RIPOR3: variants seen among roughly 807,000 people sequenced by gnomAD.
RIPOR3 encodes the protein RIPOR family member 3.
Under a neutral mutation model 114.3 loss-of-function variants are expected in RIPOR3, and 95 were observed. That is an observed-to-expected ratio of 0.83 (90% CI 0.70 to 0.99). The LOEUF (loss-of-function observed/expected upper bound fraction) is 0.99. Ranked by LOEUF, RIPOR3 falls within the 50% of genes least tolerant of loss-of-function variation. The pLI is 0.00. For synonymous variants in RIPOR3, 575 were observed against 543.8 expected, an observed-to-expected ratio of 1.06 and a Z score of -0.80; for missense variants, 1,252 against 1,266.9, an observed-to-expected ratio of 0.99 and a Z score of 0.18.
chr20:50,618,128 G>A (rs1013396003), intron 3 of RIPOR3, among the ~76,000 whole-genome samples: 6 of 151,834 alleles, frequency 4.0e-5, no homozygotes, highest in African/African-American at 7.2e-5. Flanking sequence ...TTAGCCGGGC[G>A]TGGTGGCAGA....
intron 1 of RIPOR3, among the ~76,000 whole-genome samples, chr20:50,633,980 CTTTTTTTTTTT>C (rs375758598): frequency 2.3e-5 from 3 of 131,038 alleles, no homozygotes; most frequent in Non-Finnish European, 4.9e-5. Context: ...TCTTTCTTTT[CTTTTTTTTTTT>C]TTTTTTTTTA....
intron 1 of RIPOR3, among the ~76,000 whole-genome samples, chr20:50,690,753 A>C (rs2087184264): frequency 6.6e-6 from 1 of 152,086 alleles, no homozygotes; most frequent in African/African-American, 2.4e-5. Context: ...GGACACCAAT[A>C]ATACTTACCC....
intron 1 of RIPOR3, among the ~76,000 whole-genome samples, chr20:50,633,879 C>T (rs1287692357): frequency 6.6e-6 from 1 of 152,090 alleles, no homozygotes; most frequent in Non-Finnish European, 1.5e-5. Flanking sequence ...GTTCAATGGC[C>T]CCATTTTTCA....
At chr20:50,636,943 C>A in intron 1 of RIPOR3, 1 of 982,296 alleles carries the variant, frequency 1.0e-6, no homozygotes. Flanking sequence ...CTTAGGGCTC[C>A]TTTTTATCCA....
chr20:50,620,110 CG>C lies in RIPOR3; in HGVS notation c.144del (p.Val49Ter). 1 of 1,614,078 alleles carries C rather than the reference CG, an allele frequency of 6.2e-7. No individual in the cohort carries two copies. Among genetic ancestry groups the C allele is most frequent in the African/African-American group, 1.3e-5 (1 of 75,030 alleles). ...GATTTTGCAGGCATTCGCGATCTCA[CG>C]GAGTTCCTGTTGATGGACTTTCTGT... ...RRIAKSINRNSVRSRMPAKSS... is the reference protein window; with the variant it reads ...RRIAKSINRNXVRSRMPAKSS... On this transcript the variant is annotated frameshift_variant, in exon 3 of 22. Coordinates refer to ENST00000327979, the MANE Select transcript of RIPOR3 (RefSeq NM_001290268.2). LOFTEE classifies it high-confidence loss of function.
At chr20:50,689,172 C>CTTTTTT (rs71964773) in intron 1 of RIPOR3, among the ~76,000 whole-genome samples, 1 of 88,822 alleles carries the variant, frequency 1.1e-5, no homozygotes, top group African/African-American at 3.8e-5. Context: ...CTCCAAACTT[C>CTTTTTT]TTTTTTTTTT....
At chr20:50,678,073 T>C (rs140960602) in intron 1 of RIPOR3, among the ~76,000 whole-genome samples, 12 of 152,240 alleles carry the variant, frequency 7.9e-5, no homozygotes, top group African/African-American at 2.9e-4. Flanking sequence ...GCCTCCTGAC[T>C]CCCCATCTCA....
rs547029520 is a variant in RIPOR3 at position 50,600,085 on chromosome 20, T to G, written c.1659+1987A>C. ...TCAGCTAATTCTTTTGTCTTTTTAG[T>G]AGAAACGGGGTTTTGCCATGTTGGC... On this transcript the variant is annotated intron_variant, in intron 13 of 21. Coordinates refer to ENST00000327979, the MANE Select transcript of RIPOR3 (RefSeq NM_001290268.2). Among the ~76,000 whole-genome samples, 3 of 152,264 alleles carry G rather than the reference T, an allele frequency of 2.0e-5. No homozygotes were observed. In the East Asian group the frequency reaches 5.8e-4, roughly 29 times the overall value.
intron 1 of RIPOR3, among the ~76,000 whole-genome samples, chr20:50,643,124 CTTT>C (rs34994340): frequency 2.9e-5 from 4 of 139,452 alleles, no homozygotes; most frequent in Non-Finnish European, 3.1e-5. Flanking sequence ...AATCTCAGCA[CTTT>C]TTTTTTTTTT....
rs1020971794 is a variant in RIPOR3, at chr20:50,629,303, C to A, written c.122+1435G>T. ...TTCTGCACTCTGCTCTGGCTGGGGA[C>A]CCCGACCTGTCCACCCCGTTGGCTC... On this transcript the variant is annotated intron_variant, in intron 2 of 21. Coordinates refer to ENST00000327979, the MANE Select transcript of RIPOR3 (RefSeq NM_001290268.2). Among the ~76,000 whole-genome samples, 30 of 152,200 alleles carry A rather than the reference C, an allele frequency of 2.0e-4. 1 individual carries two copies. Among genetic ancestry groups the A allele is most frequent in the Admixed American group, 1.8e-3 (28 of 15,282 alleles).
At chr20:50,629,211 G>T (rs558583724) in intron 2 of RIPOR3, among the ~76,000 whole-genome samples, 7 of 152,152 alleles carry the variant, frequency 4.6e-5, no homozygotes, top group Non-Finnish European at 1.0e-4. Context: ...GGGAATCTTT[G>T]CAGGGTTTCA....
In RIPOR3 at chr20:50,587,024, G is replaced by A; in HGVS notation, c.*208C>T. 3 of 568,896 alleles carry A rather than the reference G, an allele frequency of 5.3e-6. No individual in the cohort carries two copies. The South Asian group carries it at 6.4e-5, about 12-fold the overall frequency. 35.2% of individuals were successfully genotyped at this position (568,896 alleles called of 1,614,324 possible). ...GAGGCCGTGCAGCCCCTGGAATGCT[G>A]TACCTTTGCCTTGCTTTTTTCTGCC... is the stretch of plus-strand genomic sequence containing the variant. On this transcript the variant is annotated 3_prime_UTR_variant, in exon 22 of 22. Transcript: ENST00000327979.
rs1039755480 is a variant in RIPOR3 at position 50,610,782 on chromosome 20, G to A, written c.426+71C>T. The A allele has an allele frequency of 2.5e-6, 4 of 1,603,610 alleles. No individual in the cohort carries two copies. The African/African-American group carries it at 5.4e-5, about 21-fold the overall frequency. ...TTTCGAGGGCACCTCCCCAGCTCCT[G>A]CTAACCTAGCTGAGGCCCAGCAAGC... On this transcript the variant is annotated intron_variant, in intron 6 of 21. Coordinates refer to ENST00000327979, the MANE Select transcript of RIPOR3 (RefSeq NM_001290268.2).
At chr20:50,681,275 GA>G (rs34596961) in intron 1 of RIPOR3, among the ~76,000 whole-genome samples, 7,241 of 135,122 alleles carry the variant, frequency 0.054, 282 homozygotes, top group Non-Finnish European at 0.07. Context: ...TAAGGCACTA[GA>G]AAAAAAAAAA....
intron 1 of RIPOR3, among the ~76,000 whole-genome samples, chr20:50,652,763 C>CG: frequency 6.6e-6 from 1 of 152,276 alleles, no homozygotes; most frequent in Non-Finnish European, 1.5e-5. Context: ...TACACGAGGG[C>CG]GGTCGTCATC....
At chr20:50,633,565 G>A (rs2084888362) in intron 1 of RIPOR3, among the ~76,000 whole-genome samples, 1 of 152,178 alleles carries the variant, frequency 6.6e-6, no homozygotes, top group African/African-American at 2.4e-5. Context: ...TCCCAAAGGT[G>A]AGTAGTTGAG....
intron 1 of RIPOR3, among the ~76,000 whole-genome samples, chr20:50,680,797 G>A (rs1364523620): frequency 6.6e-6 from 1 of 152,216 alleles, no homozygotes; most frequent in Non-Finnish European, 1.5e-5. Flanking sequence ...TTGGGTCGGG[G>A]GGTGGGAGGG....
At chr20:50,635,232 G>T (rs1020216962) in intron 1 of RIPOR3, among the ~76,000 whole-genome samples, 2 of 152,158 alleles carry the variant, frequency 1.3e-5, no homozygotes, top group Non-Finnish European at 2.9e-5. Flanking sequence ...ATGATGGGTG[G>T]CCCTGCCTCT....
At chr20:50,625,387 C>G (rs1325430913) in intron 2 of RIPOR3, among the ~76,000 whole-genome samples, 1 of 152,154 alleles carries the variant, frequency 6.6e-6, no homozygotes, top group Non-Finnish European at 1.5e-5. Context: ...GCTCTTGGTG[C>G]TTTACATGTA....
Sources: gnomAD v4.1 joint callset for allele counts (sites outside exome capture counted in the v4.1 genomes callset) on GRCh38, gnomAD v4.1.1 for gene constraint, MANE v1.5 for transcripts, NCBI Gene and HGNC (gene_info 2026-07-23, HGNC 2026-07-21) for gene names.